RAPGEF4: variants seen among roughly 807,000 people sequenced by gnomAD.
RAPGEF4 encodes RAP guanine-nucleotide-exchange factor (GEF) 4.
A neutral mutation model predicts 147.9 loss-of-function variants in RAPGEF4; 66 were observed. The observed-to-expected ratio is 0.45, with a 90% CI of 0.37 to 0.55. The LOEUF (loss-of-function observed/expected upper bound fraction) is 0.55. RAPGEF4 is among the 20% of genes least tolerant of loss of function. The probability of loss-of-function intolerance (pLI) is 0.00; values close to 1 mark genes in which losing one functional copy is unlikely to be tolerated. For synonymous variants in RAPGEF4, 419 were observed against 442.7 expected (o/e 0.95, Z 0.67); for missense variants, 1,071 against 1,257.3 (o/e 0.85, Z 2.24).
At chr2:172,843,248 G>A (rs778895983) in intron 4 of RAPGEF4, among the ~76,000 whole-genome samples, 2 of 152,112 alleles carry the variant, frequency 1.3e-5, no homozygotes, top group African/African-American at 2.4e-5. Flanking sequence ...CAAAATACTT[G>A]GATAAGAGGA....
chr2:172,954,408 T>G (rs1018741244), intron 6 of RAPGEF4, among the ~76,000 whole-genome samples: 2 of 152,174 alleles, frequency 1.3e-5, no homozygotes, highest in African/African-American at 4.8e-5. Flanking sequence ...GCGACAACTT[T>G]CAAGCTCTTT....
chr2:172,941,727 T>A (rs961694084), intron 6 of RAPGEF4, among the ~76,000 whole-genome samples: 17 of 152,286 alleles, frequency 1.1e-4, no homozygotes, highest in Admixed American at 3.3e-4. Context: ...GCTGACTGCT[T>A]GAGCTCAATG....
intron 4 of RAPGEF4, among the ~76,000 whole-genome samples, chr2:172,903,121 C>T (rs1349993612): frequency 6.6e-6 from 1 of 152,054 alleles, no homozygotes; most frequent in Non-Finnish European, 1.5e-5. Flanking sequence ...GTAATCTCAA[C>T]ACTGTGGGAG....
At chr2:172,899,979 C>T (rs1698898353) in intron 4 of RAPGEF4, among the ~76,000 whole-genome samples, 1 of 152,170 alleles carries the variant, frequency 6.6e-6, no homozygotes, top group South Asian at 2.1e-4. Context: ...CCCTTCCTTC[C>T]ACCCTTGGAC....
intron 29 of RAPGEF4, among the ~76,000 whole-genome samples, chr2:173,041,266 A>C (rs1403667319): frequency 6.6e-6 from 1 of 152,174 alleles, no homozygotes; most frequent in Non-Finnish European, 1.5e-5. Flanking sequence ...CTATGGAAAA[A>C]AAGAATCTCT....
At chr2:172,825,543 A>G (rs532084645) in intron 4 of RAPGEF4, among the ~76,000 whole-genome samples, 7 of 152,218 alleles carry the variant, frequency 4.6e-5, no homozygotes, top group Non-Finnish European at 1.0e-4. Flanking sequence ...TAAATACCCA[A>G]TGTAACATAT....
chr2:172,831,250 T>C (rs1690275114), intron 4 of RAPGEF4, among the ~76,000 whole-genome samples: 1 of 130,654 alleles, frequency 7.7e-6, no homozygotes, highest in Admixed American at 8.2e-5. Context: ...AAAATGTGAC[T>C]GTTTCAGATA....
intron 4 of RAPGEF4, among the ~76,000 whole-genome samples, chr2:172,833,563 G>A (rs1690605826): frequency 1.3e-5 from 2 of 152,156 alleles, no homozygotes; most frequent in South Asian, 4.1e-4. Context: ...TTTCTTGGCA[G>A]TTGTACTGTT....
chr2:173,030,276 G>T (rs1180385006), intron 26 of RAPGEF4, 22 bp downstream of exon 26: 9 of 1,577,702 alleles, frequency 5.7e-6, no homozygotes, highest in Non-Finnish European at 7.8e-6. Flanking sequence ...CTAGGATCCA[G>T]CTGTGACTTT....
At chr2:173,011,176 A>G (rs868442946) in intron 17 of RAPGEF4, among the ~76,000 whole-genome samples, 1,821 of 132,286 alleles carry the variant, frequency 0.014, 42 homozygotes, top group African/African-American at 0.06. Context: ...GCGCGCACAC[A>G]CACACACACA....
chr2:173,046,429 G>A (rs1295966323), intron 29 of RAPGEF4, among the ~76,000 whole-genome samples: 1 of 152,162 alleles, frequency 6.6e-6, no homozygotes, highest in African/African-American at 2.4e-5. Flanking sequence ...TATAGGAAGA[G>A]GTTTCTGACC....
At chr2:172,788,389 A>G (rs1032224901) in intron 1 of RAPGEF4, among the ~76,000 whole-genome samples, 4 of 152,242 alleles carry the variant, frequency 2.6e-5, no homozygotes, top group Non-Finnish European at 5.9e-5. Context: ...AGCTCCAAGA[A>G]GGGAGTGAAA....
chr2:172,790,567 A>C (rs1269715824), intron 1 of RAPGEF4, among the ~76,000 whole-genome samples: 1 of 152,130 alleles, frequency 6.6e-6, no homozygotes, highest in Non-Finnish European at 1.5e-5. Flanking sequence ...AGAACTTCCT[A>C]ACTTCCTCTT....
Position 173,027,231 on chromosome 2 carries a change from T to C in RAPGEF4, c.2530T>C (p.Leu844=). 1.3e-6 allele frequency: 2 copies of C among 1,597,090 alleles called. No individual in the cohort carries two copies. The highest frequency in any genetic ancestry group is 8.5e-7 in the Non-Finnish European group (1 of 1,175,722). Residue 844 remains leucine (L), a synonymous_variant, in exon 25 of 31, where the codon TTA becomes CTA. Coordinates refer to ENST00000397081, the MANE Select transcript of RAPGEF4 (RefSeq NM_007023.4). ...CSQLSKRVQL[L]KKFIKIAAHC... is the part of the protein sequence containing the mutation. Reference sequence around the variant, plus strand: ...TCAGCTCAGCAAGCGTGTTCAGCTATTAAAAAAATTTATTAAGATAGCAGC... The same window carrying C: ...TCAGCTCAGCAAGCGTGTTCAGCTACTAAAAAAATTTATTAAGATAGCAGC...
chr2:172,795,164 A>T lies in RAPGEF4; in HGVS notation c.205A>T (p.Thr69Ser). The stretch of plus-strand genomic sequence containing the variant: ...TTATGAGAATCTGGAAAAGGGAATA[A>T]CATGTAAGAAATGCAACTCTTGTAG... ...GYYENLEKGI[T>S]LFRQGDIGTN... The change falls in exon 2 of 31, where the codon ACA becomes TCA. Residue 69 changes from threonine (T) to serine (S), a missense_variant. Thr to Ser is a moderately conservative substitution (Grantham distance 58). Transcript: ENST00000397081. The T allele has an allele frequency of 6.2e-7, 1 of 1,606,278 alleles. No homozygotes were observed. Among genetic ancestry groups the T allele is most frequent in the Non-Finnish European group, 8.5e-7 (1 of 1,173,476 alleles).
At chr2:172,997,645 GTT>G (rs886124298) in intron 16 of RAPGEF4, among the ~76,000 whole-genome samples, 4 of 148,594 alleles carry the variant, frequency 2.7e-5, no homozygotes, top group African/African-American at 9.9e-5. Context: ...CACGCAACGT[GTT>G]TTTTTTTTAA....
chr2:172,811,875 C>T (rs1478860702), intron 3 of RAPGEF4, among the ~76,000 whole-genome samples: 1 of 152,204 alleles, frequency 6.6e-6, no homozygotes, highest in Non-Finnish European at 1.5e-5. Flanking sequence ...ACTCTCGCAG[C>T]ACATTGCAAG....
chr2:172,955,395 C>T (rs1688622736), intron 6 of RAPGEF4, among the ~76,000 whole-genome samples: 1 of 152,192 alleles, frequency 6.6e-6, no homozygotes, highest in African/African-American at 2.4e-5. Flanking sequence ...AGAGCATCCC[C>T]TTTCCAGAAA....
intron 3 of RAPGEF4, among the ~76,000 whole-genome samples, chr2:172,807,209 G>A (rs1232742337): frequency 3.3e-5 from 5 of 152,204 alleles, no homozygotes; most frequent in Admixed American, 6.5e-5. Flanking sequence ...TTTTTTTGCC[G>A]TGTAATTCTT....
Sources: allele counts gnomAD v4.1 joint callset (sites outside exome capture counted in the v4.1 genomes callset), GRCh38; gene constraint gnomAD v4.1.1; transcripts MANE v1.5; gene names NCBI Gene and HGNC (gene_info 2026-07-23, HGNC 2026-07-21).